The following CTBP2 variants were observed in gnomAD, a reference collection of about 807,000 sequenced individuals.
The protein encoded by CTBP2 is C-terminal-binding protein 2.
In CTBP2, 30 loss-of-function variants were observed where a neutral mutation model predicts 80.3. That is an observed-to-expected ratio of 0.37 (90% CI 0.28 to 0.51). The LOEUF (loss-of-function observed/expected upper bound fraction) is 0.51. CTBP2 is among the 20% of genes least tolerant of loss of function. The pLI, the probability that CTBP2 is intolerant of heterozygous loss-of-function variation, is 0.93. For synonymous variants in CTBP2, 594 were observed against 587.4 expected (o/e 1.01, Z -0.16); for missense variants, 1,212 against 1,375.3 (o/e 0.88, Z 1.88).
intron 2 of CTBP2, among the ~76,000 whole-genome samples, chr10:125,083,456 C>G (rs1450666134): frequency 2.0e-5 from 3 of 152,152 alleles, no homozygotes; most frequent in Non-Finnish European, 4.4e-5. Context: ...GTGCAGACCC[C>G]CGACCTGGGC....
intron 1 of CTBP2, among the ~76,000 whole-genome samples, chr10:125,159,320 A>AGGCG (rs1265168960): frequency 2.4e-5 from 3 of 127,632 alleles, no homozygotes; most frequent in East Asian, 2.3e-4. Flanking sequence ...AAGGTGGGGG[A>AGGCG]GGCGGGCGGG....
At chr10:125,065,431 C>T (rs1342715830) in intron 2 of CTBP2, among the ~76,000 whole-genome samples, 1 of 152,174 alleles carries the variant, frequency 6.6e-6, no homozygotes, top group Non-Finnish European at 1.5e-5. Flanking sequence ...CTGTCAACTT[C>T]AGCAAAATAA....
intron 1 of CTBP2, among the ~76,000 whole-genome samples, chr10:125,121,495 C>T (rs928431627): frequency 2.0e-5 from 3 of 152,176 alleles, no homozygotes; most frequent in Admixed American, 2.0e-4. Flanking sequence ...AATGGAGCAG[C>T]AGCTAAACCC....
rs2028396 is a variant in CTBP2 at position 125,009,156 on chromosome 10, G to A, written c.1679-5664C>T. 7.4e-3 allele frequency among the ~76,000 whole-genome samples: 1,127 copies of A among 152,326 alleles called. 13 individuals carry two copies. Among genetic ancestry groups the A allele is most frequent in the African/African-American group, 0.026 (1,092 of 41,562 alleles). On this transcript the variant is annotated intron_variant, in intron 1 of 8. Coordinates refer to ENST00000309035, the MANE Select transcript of CTBP2 (RefSeq NM_022802.3). ...ACTCTCGTGGGAAAACTGCTGGAGA[G>A]TGTACCCTTTCTGCAGAAAGTAAAA...
At chr10:125,065,130 C>T (rs1292576875) in intron 2 of CTBP2, among the ~76,000 whole-genome samples, 1 of 152,298 alleles carries the variant, frequency 6.6e-6, no homozygotes, top group East Asian at 1.9e-4. Context: ...CTCCCCAAAC[C>T]ACTCTGCACA....
chr10:125,089,352 G>T (rs987425701), intron 2 of CTBP2, among the ~76,000 whole-genome samples: 2 of 152,182 alleles, frequency 1.3e-5, no homozygotes, highest in Non-Finnish European at 2.9e-5. Flanking sequence ...ATGCCTGACA[G>T]AATCAGTGAA....
intron 2 of CTBP2, among the ~76,000 whole-genome samples, chr10:125,102,048 A>G (rs1403161688): frequency 6.6e-6 from 1 of 152,130 alleles, no homozygotes; most frequent in Admixed American, 6.5e-5. Flanking sequence ...CTAAGCTCTT[A>G]ACATGTACCA....
intron 2 of CTBP2, among the ~76,000 whole-genome samples, chr10:125,101,778 C>T (rs180915486): frequency 6.6e-6 from 1 of 152,308 alleles, no homozygotes; most frequent in East Asian, 1.9e-4. Flanking sequence ...CCCAGCCAGG[C>T]GAGCAGGGCA....
At position 125,026,272 on chromosome 10, in the gene CTBP2, G is replaced by T; in HGVS notation, c.1488C>A (p.Asn496Lys). 6.2e-7 allele frequency: 1 copy of T among 1,613,880 alleles called. No individual in the cohort carries two copies. Among genetic ancestry groups the T allele is most frequent in the Non-Finnish European group, 8.5e-7 (1 of 1,179,946 alleles). ...GGCTGGGCAGCGGAGAGGCGGCCAC[G>T]TTGCGCTCCCTCTTTAGCAGCTCCA... is the stretch of plus-strand genomic sequence containing the variant. The change falls in exon 1 of 9, where the codon AAC becomes AAA. Residue 496 changes from asparagine (N) to lysine (K), a missense_variant. Transcript: ENST00000309035.
chr10:125,128,060 C>G (rs1855552368), intron 1 of CTBP2, among the ~76,000 whole-genome samples: 1 of 152,172 alleles, frequency 6.6e-6, no homozygotes, highest in Non-Finnish European at 1.5e-5. Flanking sequence ...GAGCTGGCTG[C>G]AGCTTCCTGA....
chr10:125,006,648 A>G (rs990482226), intron 1 of CTBP2, among the ~76,000 whole-genome samples: 1 of 152,232 alleles, frequency 6.6e-6, no homozygotes, highest in Admixed American at 6.5e-5. Flanking sequence ...TACCTCACAC[A>G]GGATTCCTGA....
intron 2 of CTBP2, among the ~76,000 whole-genome samples, chr10:125,056,970 G>A (rs751856901): frequency 1.3e-5 from 2 of 152,198 alleles, no homozygotes; most frequent in South Asian, 4.1e-4. Context: ...ACACCTTCCC[G>A]AGGAAGACAC....
upstream of CTBP2, among the ~76,000 whole-genome samples, chr10:125,031,310 G>A (rs928131968): frequency 4.0e-5 from 6 of 151,884 alleles, no homozygotes; most frequent in Admixed American, 1.3e-4. Flanking sequence ...CCAACATGGC[G>A]AAACCCTGTC....
Position 125,147,072 on chromosome 10 carries a change from C to T in CTBP2, c.-206+13247G>A, listed in dbSNP as rs1413377473. ...CCAAGCAAGTCGACAGCCCTGGTCACTGACCGGCAAACGCACCCATTCCTC... is the reference window on the plus strand; with the variant it reads ...CCAAGCAAGTCGACAGCCCTGGTCATTGACCGGCAAACGCACCCATTCCTC... On this transcript the variant is annotated intron_variant, in intron 1 of 10. Coordinates refer to the CTBP2 transcript ENST00000337195. Among the ~76,000 whole-genome samples the T allele has an allele frequency of 1.1e-4, 17 of 152,336 alleles. No individual in the cohort carries two copies. In the East Asian group the frequency reaches 3.1e-3, roughly 28 times the overall value.
intron 1 of CTBP2, among the ~76,000 whole-genome samples, chr10:125,112,763 C>T (rs1467688309): frequency 1.3e-5 from 2 of 152,192 alleles, no homozygotes; most frequent in East Asian, 3.8e-4. Flanking sequence ...TCTTAGGAAG[C>T]TGTAGATACC....
In CTBP2 at chr10:125,056,376, A is replaced by T. The variant is rs116251798; in HGVS notation, c.-101-17221T>A. Among the ~76,000 whole-genome samples, 540 of 152,264 alleles carry T rather than the reference A, an allele frequency of 3.5e-3. 4 individuals carry two copies. The highest frequency in any genetic ancestry group is 0.012 in the African/African-American group (519 of 41,548). On this transcript the variant is annotated intron_variant, in intron 2 of 10. Coordinates refer to the CTBP2 transcript ENST00000337195. Reference sequence around the variant, plus strand: ...AGGCGTGCACGCCATGGAGGAGGACACGCCCAGCACAGATGTCTGTCAGCT... The same window carrying T: ...AGGCGTGCACGCCATGGAGGAGGACTCGCCCAGCACAGATGTCTGTCAGCT...
At chr10:125,063,419 GAACC>G (rs974691763) in intron 2 of CTBP2, among the ~76,000 whole-genome samples, 1 of 152,122 alleles carries the variant, frequency 6.6e-6, no homozygotes, top group Non-Finnish European at 1.5e-5. Context: ...CCCACGTGAG[GAACC>G]AACAAAAGCT....
At chr10:125,074,448 G>A (rs150818302) in intron 2 of CTBP2, among the ~76,000 whole-genome samples, 3,489 of 152,286 alleles carry the variant, frequency 0.023, 67 homozygotes, top group Non-Finnish European at 0.035. Flanking sequence ...TCTGCCTCGC[G>A]GGTTCAAGCG....
chr10:125,123,168 G>C (rs1362754761), intron 1 of CTBP2, among the ~76,000 whole-genome samples: 1 of 152,212 alleles, frequency 6.6e-6, no homozygotes, highest in Non-Finnish European at 1.5e-5. Context: ...TCGACCATGT[G>C]CTTCAGCTGG....
Sources: allele counts gnomAD v4.1 joint callset (sites outside exome capture counted in the v4.1 genomes callset), GRCh38; gene constraint gnomAD v4.1.1; transcripts MANE v1.5; gene names NCBI Gene and HGNC (gene_info 2026-07-23, HGNC 2026-07-21).